QTMAN: variants seen among roughly 807,000 people sequenced by gnomAD.
The protein encoded by QTMAN is tRNA-queuosine alpha-mannosyltransferase.
chr2:144,120,470 A>C, the QTMAN span, among the ~76,000 whole-genome samples: 1 of 152,206 alleles, frequency 6.6e-6, no homozygotes, highest in African/African-American at 2.4e-5. Context: ...CATCTTTGTA[A>C]GATAACCAGA....
the QTMAN span, chr2:143,938,866 G>A: frequency 6.6e-6 from 1 of 152,198 alleles, no homozygotes; most frequent in South Asian, 2.1e-4. Flanking sequence ...GCAAATGCCT[G>A]AACCAATAGT....
At chr2:144,147,096 C>T in the QTMAN span, among the ~76,000 whole-genome samples, 5 of 151,834 alleles carry the variant, frequency 3.3e-5, no homozygotes, top group East Asian at 5.8e-4. Context: ...TATGATCTGC[C>T]GCACTAGCCT....
chr2:144,002,203 A>T, the QTMAN span, among the ~76,000 whole-genome samples: 1 of 151,940 alleles, frequency 6.6e-6, no homozygotes, highest in Admixed American at 6.6e-5. Context: ...ATTTAAGTTC[A>T]TCCCCTCGAT....
chr2:143,983,972 C>T, the QTMAN span, among the ~76,000 whole-genome samples: 1 of 152,088 alleles, frequency 6.6e-6, no homozygotes, highest in East Asian at 1.9e-4. Flanking sequence ...AGGATTGCAC[C>T]TCTAATCTTG....
chr2:144,155,855 C>G, the QTMAN span, among the ~76,000 whole-genome samples: 3 of 151,176 alleles, frequency 2.0e-5, no homozygotes, highest in African/African-American at 4.9e-5. Flanking sequence ...ATGACAATAA[C>G]AATAATAATA....
At chr2:144,284,933 CTTTTTTTTTT>C in the QTMAN span, among the ~76,000 whole-genome samples, 1 of 128,396 alleles carries the variant, frequency 7.8e-6, no homozygotes, top group Non-Finnish European at 1.7e-5. Flanking sequence ...GGAGGCCAAA[CTTTTTTTTTT>C]TTTTTTTTTT....
At chr2:144,216,649 T>C in the QTMAN span, among the ~76,000 whole-genome samples, 2 of 152,218 alleles carry the variant, frequency 1.3e-5, no homozygotes, top group Admixed American at 1.3e-4. Flanking sequence ...GCAGAATTTA[T>C]GGGAAATAAT....
chr2:144,241,424 GTGCCAGGGTA>G, the QTMAN span, among the ~76,000 whole-genome samples: 2 of 152,134 alleles, frequency 1.3e-5, no homozygotes, highest in Non-Finnish European at 2.9e-5. Flanking sequence ...CGTCGAATGT[GTGCCAGGGTA>G]TGCCAATAAG....
chr2:144,195,929 T>C, the QTMAN span, among the ~76,000 whole-genome samples: 1 of 152,150 alleles, frequency 6.6e-6, no homozygotes, highest in African/African-American at 2.4e-5. Flanking sequence ...TCCCATCAAT[T>C]ATAATAAAAT....
chr2:144,032,291 T>C, the QTMAN span, among the ~76,000 whole-genome samples: 1 of 152,196 alleles, frequency 6.6e-6, no homozygotes, highest in Non-Finnish European at 1.5e-5. Context: ...ATCTACATCA[T>C]AGGAATTACC....
the QTMAN span, among the ~76,000 whole-genome samples, chr2:144,101,819 G>A: frequency 2.0e-5 from 3 of 151,906 alleles, no homozygotes; most frequent in Non-Finnish European, 2.9e-5. Flanking sequence ...AAACATTTTG[G>A]TTTTGAAATG....
the QTMAN span, among the ~76,000 whole-genome samples, chr2:144,149,306 A>G: frequency 6.6e-6 from 1 of 151,984 alleles, no homozygotes; most frequent in African/African-American, 2.4e-5. Flanking sequence ...CTGCTTGAGC[A>G]CAAGTTAAAT....
chr2:143,994,734 G>A, the QTMAN span, among the ~76,000 whole-genome samples: 1 of 152,122 alleles, frequency 6.6e-6, no homozygotes, highest in African/African-American at 2.4e-5. Context: ...CTGGGTCAGG[G>A]GTGAAAACAG....
the QTMAN span, among the ~76,000 whole-genome samples, chr2:144,270,461 A>G: frequency 6.6e-6 from 1 of 152,220 alleles, no homozygotes; most frequent in Non-Finnish European, 1.5e-5. Context: ...TAAACCATGG[A>G]ATACTTTGCA....
chr2:144,256,104 A>T, the QTMAN span, among the ~76,000 whole-genome samples: 1 of 152,182 alleles, frequency 6.6e-6, no homozygotes, highest in Non-Finnish European at 1.5e-5. Context: ...ATGTAATGCA[A>T]TGGTTCTCCT....
chr2:144,022,887 G>A, the QTMAN span, among the ~76,000 whole-genome samples: 1 of 151,862 alleles, frequency 6.6e-6, no homozygotes, highest in Admixed American at 6.6e-5. Context: ...TTATCAATGT[G>A]TAATACTTAG....
chr2:144,081,362 T>G, the QTMAN span, among the ~76,000 whole-genome samples: 1 of 152,306 alleles, frequency 6.6e-6, no homozygotes, highest in East Asian at 1.9e-4. Context: ...CTTTTTCTCC[T>G]TCTTCCACAA....
the QTMAN span, among the ~76,000 whole-genome samples, chr2:144,072,809 C>T: frequency 1.6e-4 from 25 of 152,278 alleles, no homozygotes; most frequent in Non-Finnish European, 3.2e-4. Flanking sequence ...AAAATACTTT[C>T]GTAGAGTTTA....
the QTMAN span, among the ~76,000 whole-genome samples, chr2:144,088,054 C>T: frequency 6.6e-6 from 1 of 151,892 alleles, no homozygotes; most frequent in South Asian, 2.1e-4. Flanking sequence ...GTGTAGAAAA[C>T]CTAAAGACTT....
Sources: allele counts gnomAD v4.1 joint callset (sites outside exome capture counted in the v4.1 genomes callset), GRCh38; gene constraint gnomAD v4.1.1; transcripts MANE v1.5; gene names NCBI Gene and HGNC (gene_info 2026-07-23, HGNC 2026-07-21).